Variants in NBPF26 observed in about 807,000 individuals in gnomAD.
NBPF26 encodes NBPF family member NBPF26.
In NBPF26, 79 loss-of-function variants were observed where a neutral mutation model predicts 119.6. That is an observed-to-expected ratio of 0.66 (90% confidence interval 0.55 to 0.80). The LOEUF is 0.80. NBPF26 is among the 30% of genes least tolerant of loss of function. The pLI is 0.00. For missense variants in NBPF26, 800 were observed against 1,198.2 expected, an observed-to-expected ratio of 0.67 and a Z score of 4.91; for synonymous variants, 299 against 457.7, an observed-to-expected ratio of 0.65 and a Z score of 4.43.
chr1:120,802,761 C>T (rs1467415720), intron 4 of NBPF26, among the ~76,000 whole-genome samples: 2 of 118,110 alleles, frequency 1.7e-5, no homozygotes, highest in African/African-American at 4.8e-5. Context: ...TTAACAGGTT[C>T]TTTCAGTTTC....
chr1:120,723,971 C>G, exon 1 of NBPF26: 1 of 1,067,668 alleles, frequency 9.4e-7, no homozygotes, highest in Non-Finnish European at 1.2e-6. Flanking sequence ...GCGGCTGAGG[C>G]GGCGGCCGAG....
At chr1:120,832,709 G>A (rs1473808496) in intron 22 of NBPF26, among the ~76,000 whole-genome samples, 166 bp from the exon 27 acceptor site, 1 of 120,088 alleles carries the variant, frequency 8.3e-6, no homozygotes, top group Non-Finnish European at 1.6e-5. Flanking sequence ...AAAAACCGAG[G>A]AATTTCTATC....
At chr1:120,775,497 CT>C (rs1163603026) in intron 2 of NBPF26, among the ~76,000 whole-genome samples, 1 of 102,044 alleles carries the variant, frequency 9.8e-6, no homozygotes, top group African/African-American at 6.6e-5. Flanking sequence ...TAGGAAAATC[CT>C]TTTAGACTAA....
At chr1:120,769,676 T>G (rs1481148736) in intron 2 of NBPF26, among the ~76,000 whole-genome samples, 1 of 119,740 alleles carries the variant, frequency 8.4e-6, no homozygotes, top group Non-Finnish European at 1.6e-5. Context: ...TGCATGCTAT[T>G]TATGTGTACC....
chr1:120,784,567 G>A (rs1651400695), intron 2 of NBPF26, among the ~76,000 whole-genome samples: 1 of 117,212 alleles, frequency 8.5e-6, no homozygotes, highest in Admixed American at 8.1e-5. Flanking sequence ...TGTCAGTGAA[G>A]GTCTTCTCTG....
At position 120,823,206 on chromosome 1, in the gene NBPF26, C is replaced by T. The variant is rs1273640977; in HGVS notation, c.2588-103C>T. ...TCTCTCAAAGTCTCCTGTTCTCACA[C>T]TGACAAGACTGATGTCCCTGTGTTA... On this transcript the variant is annotated intron_variant, in intron 16 of 29. Coordinates refer to ENST00000620612, the Ensembl canonical transcript of NBPF26. The T allele has an allele frequency of 6.1e-5, 41 of 676,948 alleles. 5 individuals are homozygous for T. The highest frequency in any genetic ancestry group is 3.8e-4 in the Middle Eastern group (1 of 2,618). The allele number at this position is 676,948 out of a possible 1,614,324, so 41.9% of individuals were successfully genotyped here. A position where few individuals can be genotyped will look rare whatever the true frequency, so the allele number is the denominator to read the frequency against.
intron 10 of NBPF26, among the ~76,000 whole-genome samples, chr1:120,812,961 TA>T (rs1452541347): frequency 8.7e-6 from 1 of 115,596 alleles, no homozygotes; most frequent in Non-Finnish European, 1.7e-5. Flanking sequence ...TAATAATAAA[TA>T]AAAATAAGAA....
intron 5 of NBPF26, among the ~76,000 whole-genome samples, chr1:120,807,012 A>G (rs1651708783): frequency 2.3e-5 from 3 of 129,760 alleles, no homozygotes; most frequent in South Asian, 2.3e-4. Context: ...CAACTAATCT[A>G]AATCTTAATG....
chr1:120,823,836 G>A lies in NBPF26; in HGVS notation c.2640-138G>A. The A allele has an allele frequency of 3.7e-6, 2 of 541,132 alleles. 1 individual carries two copies. Among genetic ancestry groups the A allele is most frequent in the East Asian group, 5.9e-5 (2 of 33,644 alleles). 33.5% of individuals were successfully genotyped at this position (541,132 alleles called of 1,614,324 possible). ...GGCCCTGTTCTATCCCAACATAAAG[G>A]CAATAATCTGTTACCTCATTAATGG... On this transcript the variant is annotated intron_variant, in intron 17 of 29. Transcript: ENST00000620612.
In NBPF26 at chr1:120,820,466, A is replaced by ATG. The variant is rs1652109204; in HGVS notation, c.2424-1637_2424-1636insGT. Among the ~76,000 whole-genome samples, 15 of 37,376 alleles carry ATG rather than the reference A, an allele frequency of 4.0e-4. 1 individual carries two copies. Among genetic ancestry groups the ATG allele is most frequent in the African/African-American group, 1.5e-3 (15 of 9,716 alleles). 24.5% of individuals were successfully genotyped at this position (37,376 alleles called of 152,430 possible). ...ATTAAAAATATATATATATATATATATATATATATATATATATATATATAC... is the reference window on the plus strand; with the variant it reads ...ATTAAAAATATATATATATATATATATGTATATATATATATATATATATATAC... On this transcript the variant is annotated intron_variant, in intron 15 of 29. Transcript: ENST00000620612.
At chr1:120,777,909 G>C in intron 2 of NBPF26, among the ~76,000 whole-genome samples, 1 of 99,570 alleles carries the variant, frequency 1.0e-5, no homozygotes, top group Non-Finnish European at 1.8e-5. Context: ...AGTGAGTTTA[G>C]ACCAATAGGT....
chr1:120,840,247 T>A, intron 29 of NBPF26, 103 bp from the exon 36 acceptor site: 1 of 1,421,160 alleles, frequency 7.0e-7, no homozygotes, highest in Admixed American at 2.1e-5. Context: ...GATCTATCCT[T>A]TTTCTTTTCT....
At chr1:120,779,108 C>CTGTT (rs1363822709) in intron 2 of NBPF26, among the ~76,000 whole-genome samples, 1 of 41,262 alleles carries the variant, frequency 2.4e-5, no homozygotes, top group East Asian at 5.1e-4. Context: ...TTGTTTTTCT[C>CTGTT]TGTTTTCTTC....
At position 120,756,713 on chromosome 1, in the gene NBPF26, T is replaced by C. The variant is rs1258918970; in HGVS notation, c.74-6915T>C. Among the ~76,000 whole-genome samples, 7 of 116,558 alleles carry C rather than the reference T, an allele frequency of 6.0e-5. 3 individuals carry two copies. Among genetic ancestry groups the C allele is most frequent in the Admixed American group, 4.0e-4 (5 of 12,372 alleles). 76.5% of individuals were successfully genotyped at this position (116,558 alleles called of 152,430 possible). ...GGGAGGCTTTTAAGCCAGTGATATGTAGCTGGTATGATACTGAAAAGCATT... is the reference window on the plus strand; with the variant it reads ...GGGAGGCTTTTAAGCCAGTGATATGCAGCTGGTATGATACTGAAAAGCATT... On this transcript the variant is annotated intron_variant, in intron 1 of 29. Coordinates refer to ENST00000620612, the Ensembl canonical transcript of NBPF26.
intron 2 of NBPF26, among the ~76,000 whole-genome samples, chr1:120,765,335 T>TG: frequency 1.8e-5 from 1 of 57,100 alleles, no homozygotes; most frequent in Non-Finnish European, 3.0e-5. Context: ...CTTGTGGTAG[T>TG]TAACCCCATT....
chr1:120,768,691 C>T (rs1321575403), intron 2 of NBPF26, among the ~76,000 whole-genome samples: 1 of 97,262 alleles, frequency 1.0e-5, no homozygotes, highest in East Asian at 2.4e-4. Context: ...CTAGTTTATG[C>T]CTGCTTTCAG....
chr1:120,804,527 T>A (rs1358246666), intron 4 of NBPF26, among the ~76,000 whole-genome samples: 1 of 99,052 alleles, frequency 1.0e-5, no homozygotes, highest in East Asian at 2.3e-4. Context: ...CAAAATAGTA[T>A]CAGGTTTACA....
chr1:120,838,306 G>T (rs1342051734), intron 27 of NBPF26, among the ~76,000 whole-genome samples: 1 of 37,424 alleles, frequency 2.7e-5, no homozygotes, highest in Admixed American at 3.3e-4. Flanking sequence ...ACCTACTGTA[G>T]GTGGACCAGA....
chr1:120,822,270 G>A lies in NBPF26; in HGVS notation c.2587+3G>A. 9.4e-7 allele frequency: 1 copy of A among 1,064,356 alleles called. No homozygotes were observed. The highest frequency in any genetic ancestry group is 2.3e-5 in the Admixed American group (1 of 43,332). 65.9% of individuals were successfully genotyped at this position (1,064,356 alleles called of 1,614,324 possible). A position where few individuals can be genotyped will look rare whatever the true frequency, so the allele number is the denominator to read the frequency against. On this transcript the variant is annotated splice_donor_region_variant and intron_variant, in intron 16 of 29. Coordinates refer to ENST00000620612, the Ensembl canonical transcript of NBPF26. ...CTGCATGGCTGTTGACATAGGCAGT[G>A]AGTACTCCATTGTGAAGGTGATAAA...
Sources: gnomAD v4.1 joint callset for allele counts (sites outside exome capture counted in the v4.1 genomes callset) on GRCh38, gnomAD v4.1.1 for gene constraint, MANE v1.5 for transcripts, NCBI Gene and HGNC (gene_info 2026-07-23, HGNC 2026-07-21) for gene names.